The following TENM3 variants were observed in gnomAD, a reference collection of about 807,000 sequenced individuals.
TENM3 encodes the protein teneurin-3.
A neutral mutation model predicts 255.1 loss-of-function variants in TENM3; 63 were observed. That is an observed-to-expected ratio of 0.25 (90% confidence interval 0.20 to 0.30). TENM3 has a LOEUF of 0.30. Ranked by LOEUF, TENM3 falls within the 10% of genes least tolerant of loss-of-function variation. The probability of loss-of-function intolerance (pLI) is 1.00; values close to 1 mark genes in which losing one functional copy is unlikely to be tolerated. For missense variants in TENM3, 2,929 were observed against 3,461.1 expected, an observed-to-expected ratio of 0.85 and a Z score of 3.86; for synonymous variants, 1,306 against 1,322.3, an observed-to-expected ratio of 0.99 and a Z score of 0.27.
At chr4:182,324,771 G>C (rs1763285651) in intron 2 of TENM3, among the ~76,000 whole-genome samples, 1 of 152,204 alleles carries the variant, frequency 6.6e-6, no homozygotes, top group Non-Finnish European at 1.5e-5. Context: ...CCACGGAAAG[G>C]TTCCATTGTC....
chr4:182,702,003 G>C (rs1205642710), intron 12 of TENM3, among the ~76,000 whole-genome samples: 1 of 152,210 alleles, frequency 6.6e-6, no homozygotes, highest in Admixed American at 6.5e-5. Flanking sequence ...AATAGTTACT[G>C]TAAATACATG....
Position 182,587,692 on chromosome 4 carries a change from C to T in TENM3, c.512-13232C>T, listed in dbSNP as rs545489707. Among the ~76,000 whole-genome samples the T allele has an allele frequency of 4.6e-5, 7 of 152,212 alleles. No homozygotes were observed. In the South Asian group the frequency reaches 6.2e-4, roughly 14 times the overall value. ...TGCCAAAGTTCTGGGATTACTGATACGGGCCACTACACCTGGCCTGGTTTT... is the reference window on the plus strand; with the variant it reads ...TGCCAAAGTTCTGGGATTACTGATATGGGCCACTACACCTGGCCTGGTTTT... On this transcript the variant is annotated intron_variant, in intron 3 of 27. Transcript: ENST00000511685.
the TENM3 span, among the ~76,000 whole-genome samples, chr4:181,822,629 G>T: frequency 2.6e-5 from 4 of 152,134 alleles, no homozygotes; most frequent in Non-Finnish European, 5.9e-5. Context: ...TTCCACTAAT[G>T]CTGTAAGTTA....
At chr4:181,654,380 G>T in the TENM3 span, among the ~76,000 whole-genome samples, 1 of 152,106 alleles carries the variant, frequency 6.6e-6, no homozygotes, top group Non-Finnish European at 1.5e-5. Context: ...GAATATTCCA[G>T]GATGTGAAAA....
chr4:181,550,513 C>T, the TENM3 span, among the ~76,000 whole-genome samples: 1 of 152,150 alleles, frequency 6.6e-6, no homozygotes. Flanking sequence ...ATGATCGAGT[C>T]TTTCTGAATG....
chr4:182,349,596 T>G (rs1765043390), intron 3 of TENM3, among the ~76,000 whole-genome samples: 1 of 152,168 alleles, frequency 6.6e-6, no homozygotes, highest in South Asian at 2.1e-4. Flanking sequence ...GAAGTGAAAT[T>G]TGCAGTCATA....
chr4:182,590,764 A>G (rs1046904099), intron 3 of TENM3, among the ~76,000 whole-genome samples: 8 of 151,382 alleles, frequency 5.3e-5, no homozygotes, highest in Non-Finnish European at 1.2e-4. Flanking sequence ...CAGGAGAATC[A>G]CTTGAACCTC....
chr4:182,497,044 G>A (rs1161965619), intron 3 of TENM3, among the ~76,000 whole-genome samples: 1 of 151,642 alleles, frequency 6.6e-6, no homozygotes, highest in African/African-American at 2.4e-5. Context: ...TATACTGGGA[G>A]CCATCCACTT....
the TENM3 span, among the ~76,000 whole-genome samples, chr4:181,681,045 C>T: frequency 4.6e-5 from 7 of 151,952 alleles, no homozygotes; most frequent in South Asian, 4.1e-4. Flanking sequence ...GTATACTACA[C>T]GTTATATTTA....
At chr4:181,551,477 C>T in the TENM3 span, among the ~76,000 whole-genome samples, 2 of 152,164 alleles carry the variant, frequency 1.3e-5, no homozygotes, top group African/African-American at 4.8e-5. Context: ...TAATAATACA[C>T]TATGAAGCGT....
chr4:181,610,140 G>A, the TENM3 span, among the ~76,000 whole-genome samples: 1 of 152,184 alleles, frequency 6.6e-6, no homozygotes, highest in Non-Finnish European at 1.5e-5. Flanking sequence ...GAAAAATGGA[G>A]ACGAACCACA....
intron 1 of TENM3, among the ~76,000 whole-genome samples, chr4:182,317,253 T>C (rs1160155152): frequency 6.6e-6 from 1 of 152,182 alleles, no homozygotes; most frequent in African/African-American, 2.4e-5. Context: ...GTCTCACATT[T>C]TATATTCATA....
At chr4:181,564,271 C>T in the TENM3 span, among the ~76,000 whole-genome samples, 1 of 152,046 alleles carries the variant, frequency 6.6e-6, no homozygotes, top group African/African-American at 2.4e-5. Context: ...TAGGATAGGA[C>T]TGAGTCATTC....
At position 182,792,692 on chromosome 4, in the gene TENM3, T is replaced by G. The variant is rs766604275; in HGVS notation, c.6020T>G (p.Phe2007Cys). ...GPLIDRQIFR[F>C]SEDGMVNARF... ...CTGATTGACAGGCAGATTTTCCGCT[T>G]TAGTGAAGATGGGATGGTAAATGCA... Residue 2007 changes from phenylalanine (F) to cysteine (C), a missense_variant, in exon 26 of 28, where the codon TTT becomes TGT. Physicochemically the swap from Phe to Cys is radical, Grantham distance 205. Coordinates refer to ENST00000511685, the MANE Select transcript of TENM3 (RefSeq NM_001080477.4). This position sits in a 1 kb window ranked among gnomAD's most constrained non-coding sequence, Gnocchi z 6.3. The G allele has an allele frequency of 6.2e-6, 10 of 1,613,922 alleles. No individual in the cohort carries two copies. In the Admixed American group the frequency reaches 1.5e-4, roughly 24 times the overall value.
At chr4:181,616,366 T>C in the TENM3 span, among the ~76,000 whole-genome samples, 1 of 128,318 alleles carries the variant, frequency 7.8e-6, no homozygotes, top group Non-Finnish European at 1.6e-5. Flanking sequence ...TATATATCAA[T>C]AGGATATATA....
At chr4:181,973,830 T>C in the TENM3 span, among the ~76,000 whole-genome samples, 4 of 152,086 alleles carry the variant, frequency 2.6e-5, no homozygotes, top group South Asian at 2.1e-4. Flanking sequence ...ACTAGGAAGA[T>C]GATGTTTAAG....
At chr4:182,345,177 A>G (rs1429004446) in intron 2 of TENM3, among the ~76,000 whole-genome samples, 1 of 152,192 alleles carries the variant, frequency 6.6e-6, no homozygotes, top group Non-Finnish European at 1.5e-5. Context: ...GCTGATTCCA[A>G]CTTCTGATAT....
At chr4:182,186,762 CATATATATAT>C (rs70954298) in intron 1 of TENM3, among the ~76,000 whole-genome samples, 2,260 of 26,894 alleles carry the variant, frequency 0.084, 84 homozygotes, top group Non-Finnish European at 0.12. Context: ...ACTAATGCAT[CATATATATAT>C]ATATATATAT....
At chr4:182,100,840 CTCATATATATATATAT>C in the TENM3 span, among the ~76,000 whole-genome samples, 7 of 6,786 alleles carry the variant, frequency 1.0e-3, no homozygotes, top group African/African-American at 7.0e-3. Context: ...TATATATATA[CTCATATATATATATAT>C]ACTCATATAT....
Sources: allele counts gnomAD v4.1 joint callset (sites outside exome capture counted in the v4.1 genomes callset), GRCh38; gene constraint gnomAD v4.1.1; non-coding constraint Gnocchi (gnomAD v3.1); transcripts MANE v1.5; gene names NCBI Gene and HGNC (gene_info 2026-07-23, HGNC 2026-07-21).